C12orf42: variants seen among roughly 807,000 people sequenced by gnomAD.
The protein encoded by C12orf42 is uncharacterized protein C12orf42.
In C12orf42, 25 loss-of-function variants were observed where a neutral mutation model predicts 21.6. That is an observed-to-expected ratio of 1.16 (90% confidence interval 0.84 to 1.62). The LOEUF is 1.62. Ranked by LOEUF, C12orf42 falls within the 40% of genes most tolerant of loss-of-function variation. C12orf42 has a pLI of 0.00. For missense variants in C12orf42, 483 were observed against 459.3 expected, an observed-to-expected ratio of 1.05 and a Z score of -0.47; for synonymous variants, 174 against 175.0, an observed-to-expected ratio of 0.99 and a Z score of 0.05.
At chr12:103,544,320 A>G in the C12orf42 span, among the ~76,000 whole-genome samples, 1 of 152,226 alleles carries the variant, frequency 6.6e-6, no homozygotes, top group African/African-American at 2.4e-5. Context: ...TTCTCTGTAC[A>G]TTAACAAACT....
chr12:103,349,593 TC>T (rs2042936212), intron 4 of C12orf42, among the ~76,000 whole-genome samples: 1 of 152,136 alleles, frequency 6.6e-6, no homozygotes, highest in Non-Finnish European at 1.5e-5. Context: ...CTCTTTTTTT[TC>T]ATAAAGAAAA....
At chr12:103,191,604 G>T in the C12orf42 span, among the ~76,000 whole-genome samples, 1 of 147,470 alleles carries the variant, frequency 6.8e-6, no homozygotes, top group Non-Finnish European at 1.5e-5. Context: ...ATCTGGGTAT[G>T]GTGGCCCATG....
intron 10 of C12orf42, among the ~76,000 whole-genome samples, chr12:103,253,825 G>GTT (rs60659041): frequency 9.4e-5 from 14 of 149,234 alleles, no homozygotes; most frequent in South Asian, 4.2e-4. Context: ...TTTTTAATGG[G>GTT]TTTTTTTTTT....
chr12:103,241,453 A>G (rs547017016), intron 10 of C12orf42, among the ~76,000 whole-genome samples: 1 of 152,296 alleles, frequency 6.6e-6, no homozygotes, highest in Non-Finnish European at 1.5e-5. Context: ...CTCCATGGGC[A>G]ATTTGAAAAA....
intron 4 of C12orf42, among the ~76,000 whole-genome samples, chr12:103,344,319 G>A (rs1022854532): frequency 6.6e-6 from 1 of 152,174 alleles, no homozygotes; most frequent in Admixed American, 6.5e-5. Flanking sequence ...TGGTCATGTG[G>A]ATGACAGAGG....
At chr12:103,290,394 C>T (rs1489170882) in intron 4 of C12orf42, among the ~76,000 whole-genome samples, 1 of 152,150 alleles carries the variant, frequency 6.6e-6, no homozygotes. Flanking sequence ...AGGTCTCTTT[C>T]ATTGTCAAGG....
the C12orf42 span, among the ~76,000 whole-genome samples, chr12:103,190,339 G>T: frequency 6.6e-6 from 1 of 152,090 alleles, no homozygotes; most frequent in African/African-American, 2.4e-5. Flanking sequence ...TGATTGGATG[G>T]TGCCTACTCA....
At chr12:103,411,113 C>T (rs568748956) in intron 2 of C12orf42, among the ~76,000 whole-genome samples, 1 of 152,284 alleles carries the variant, frequency 6.6e-6, no homozygotes, top group East Asian at 1.9e-4. Context: ...TTTCCATCCT[C>T]CCTTGTCCAT....
At chr12:103,236,499 G>A (rs996124445), downstream of C12orf42, among the ~76,000 whole-genome samples, 3 of 152,274 alleles carry the variant, frequency 2.0e-5, no homozygotes, top group African/African-American at 7.2e-5. Flanking sequence ...GATGGTATTT[G>A]TGATTATCTC....
chr12:103,086,288 C>T, the C12orf42 span, among the ~76,000 whole-genome samples: 2 of 151,632 alleles, frequency 1.3e-5, no homozygotes, highest in Admixed American at 1.3e-4. Flanking sequence ...GCTAACACTT[C>T]CTAATTTAAC....
At chr12:103,323,880 T>C (rs1566080943) in intron 4 of C12orf42, among the ~76,000 whole-genome samples, 1 of 152,222 alleles carries the variant, frequency 6.6e-6, no homozygotes, top group Non-Finnish European at 1.5e-5. Context: ...AATGCAGTCA[T>C]TCAACATGAC....
the C12orf42 span, among the ~76,000 whole-genome samples, chr12:103,173,520 T>C: frequency 1.3e-5 from 2 of 152,290 alleles, no homozygotes; most frequent in Admixed American, 6.5e-5. Flanking sequence ...TACCAAGTTT[T>C]TCATGCAGGT....
intron 4 of C12orf42, among the ~76,000 whole-genome samples, chr12:103,313,789 A>C (rs2039194130): frequency 6.6e-6 from 1 of 152,210 alleles, no homozygotes; most frequent in Non-Finnish European, 1.5e-5. Flanking sequence ...TATCGTTTTC[A>C]TCCATGCAGT....
At chr12:103,200,185 G>A in the C12orf42 span, among the ~76,000 whole-genome samples, 2 of 152,134 alleles carry the variant, frequency 1.3e-5, no homozygotes, top group African/African-American at 2.4e-5. Flanking sequence ...GAAACAAAAT[G>A]GGTGAACTTA....
At chr12:103,136,806 G>C in the C12orf42 span, among the ~76,000 whole-genome samples, 91 of 152,288 alleles carry the variant, frequency 6.0e-4, no homozygotes, top group Middle Eastern at 3.4e-3. Flanking sequence ...TCAATTAGTT[G>C]TTGTGGGAAA....
At chr12:103,506,530 C>G in the C12orf42 span, among the ~76,000 whole-genome samples, 1 of 151,472 alleles carries the variant, frequency 6.6e-6, no homozygotes, top group Non-Finnish European at 1.5e-5. Context: ...CAAATACTTA[C>G]CATGGTGTTA....
chr12:103,203,590 AT>A, the C12orf42 span, among the ~76,000 whole-genome samples: 1 of 152,180 alleles, frequency 6.6e-6, no homozygotes, highest in Non-Finnish European at 1.5e-5. Context: ...AACTTTTCAG[AT>A]GGGAGCTCCT....
chr12:103,445,055 G>A (rs1320345), intron 2 of C12orf42, among the ~76,000 whole-genome samples: 94,578 of 151,800 alleles, frequency 0.62, 30,432 homozygotes, highest in Admixed American at 0.72. Context: ...AAACTGTTAC[G>A]AATCATGTTG....
intron 2 of C12orf42, chr12:103,456,198 G>C (rs529867940): frequency 1.3e-5 from 2 of 152,202 alleles, no homozygotes; most frequent in African/African-American, 4.8e-5. Context: ...AAGCATTGTA[G>C]GTCATTCTGT....
Sources: allele counts gnomAD v4.1 joint callset (sites outside exome capture counted in the v4.1 genomes callset), GRCh38; gene constraint gnomAD v4.1.1; transcripts MANE v1.5; gene names NCBI Gene and HGNC (gene_info 2026-07-23, HGNC 2026-07-21).